The following HEXA variants were observed in gnomAD, a reference collection of about 807,000 sequenced individuals.
HEXA encodes the protein hexosaminidase subunit alpha, also known as beta-hexosaminidase subunit alpha.
Under a neutral mutation model 73.3 loss-of-function variants are expected in HEXA, and 54 were observed. The observed-to-expected ratio is 0.74, with a 90% CI of 0.59 to 0.92. The LOEUF (loss-of-function observed/expected upper bound fraction) is 0.92, where lower values mean the gene tolerates loss of function less well. Among genes scored for constraint, HEXA ranks in the 40% least tolerant of loss-of-function variants. The probability of loss-of-function intolerance (pLI) is 0.00; values close to 1 mark genes in which losing one functional copy is unlikely to be tolerated. For synonymous variants in HEXA, 230 were observed against 246.9 expected (o/e 0.93, Z 0.64); for missense variants, 649 against 653.0 (o/e 0.99, Z 0.07).
chr15:72,370,525 C>T (rs1224631759), intron 1 of HEXA: 2 of 396,998 alleles, frequency 5.0e-6, no homozygotes, highest in Non-Finnish European at 8.9e-6. Flanking sequence ...ACCCCCATCT[C>T]TACAAAATGC....
chr15:72,346,757 T>C, intron 10 of HEXA, 47 bp from the exon 11 acceptor site: 1 of 1,575,074 alleles, frequency 6.3e-7, no homozygotes, highest in Non-Finnish European at 8.7e-7. Flanking sequence ...GCTGAGGAGA[T>C]TCCTGGGCCT....
At chr15:72,371,274 T>C (rs1168254639) in intron 1 of HEXA, among the ~76,000 whole-genome samples, 1 of 152,120 alleles carries the variant, frequency 6.6e-6, no homozygotes, top group East Asian at 1.9e-4. Context: ...ACACTCCAAA[T>C]TGGTAACCTG....
chr15:72,370,582 C>T, intron 1 of HEXA: 1 of 398,006 alleles, frequency 2.5e-6, no homozygotes, highest in Non-Finnish European at 4.4e-6. Flanking sequence ...GTCTGTAGTC[C>T]TAGCTACTCA....
intron 1 of HEXA, among the ~76,000 whole-genome samples, chr15:72,368,589 C>T (rs1169990405): frequency 2.6e-5 from 4 of 152,210 alleles, no homozygotes; most frequent in African/African-American, 7.2e-5. Flanking sequence ...CAGCAAACCT[C>T]GACTCTCTCA....
Position 72,350,536 on chromosome 15 carries a change from T to C in HEXA, c.787A>G (p.Thr263Ala). 2 of 1,614,126 alleles carry C rather than the reference T, an allele frequency of 1.2e-6. No homozygotes were observed. Among genetic ancestry groups the C allele is most frequent in the South Asian group, 1.1e-5 (1 of 91,082 alleles). Residue 263 changes from threonine to alanine, a missense_variant, in exon 7 of 14, where the codon ACT (threonine) becomes GCT (alanine). Physicochemically the swap from Thr to Ala is moderately conservative, Grantham distance 58. Coordinates refer to ENST00000268097, the MANE Select transcript of HEXA (RefSeq NM_000520.6). ...TTCTTACCTGGTCCCCAGGACAAAG[T>C]GTGGCCAGGAGTGTCAAACTCTGCA... Reference protein sequence around the residue: ...VLAEFDTPGHTLSWGPGIPGL... With the variant: ...VLAEFDTPGHALSWGPGIPGL...
chr15:72,367,038 G>A (rs1036773989), intron 1 of HEXA, among the ~76,000 whole-genome samples: 2 of 151,890 alleles, frequency 1.3e-5, no homozygotes, highest in Non-Finnish European at 2.9e-5. Context: ...CCACCTCCTG[G>A]ATTCAAGCGA....
chr15:72,350,190 C>T (rs1167030730), intron 7 of HEXA: 1 of 391,080 alleles, frequency 2.6e-6, no homozygotes, highest in East Asian at 6.0e-5. Flanking sequence ...TGACTCTGAC[C>T]TCTGCAGGCT....
At chr15:72,351,019 T>G in intron 6 of HEXA, 114 bp downstream of exon 6, 1 of 753,864 alleles carries the variant, frequency 1.3e-6, no homozygotes, top group Non-Finnish European at 2.4e-6. Flanking sequence ...GTCCTTCCCC[T>G]ATATTGGTCT....
At chr15:72,346,389 AC>A in intron 11 of HEXA, 64 bp from the exon 12 acceptor site, 1 of 1,519,068 alleles carries the variant, frequency 6.6e-7, no homozygotes, top group Non-Finnish European at 9.1e-7. Context: ...CCTCTCAACC[AC>A]CTTCCCAATG....
intron 1 of HEXA, among the ~76,000 whole-genome samples, chr15:72,371,444 A>G (rs2088990298): frequency 6.6e-6 from 1 of 151,926 alleles, no homozygotes; most frequent in Admixed American, 6.6e-5. Context: ...CCATCTCTAC[A>G]AAAATTAGCT....
chr15:72,341,128 G>A lies in HEXA; in HGVS notation c.*2949C>T, dbSNP rs909576848. ...TAGAATTTAGAGTGCTAGGAATGTT[G>A]CCATAAGGTATGTGTACCTACATTA... On this transcript the variant is annotated 3_prime_UTR_variant, in exon 14 of 14. Transcript: ENST00000268097. 12 of 152,022 alleles carry A rather than the reference G, an allele frequency of 7.9e-5. No homozygotes were observed. The highest frequency in any genetic ancestry group is 2.9e-4 in the African/African-American group (12 of 41,388). 9.4% of individuals were successfully genotyped at this position (152,022 alleles called of 1,614,324 possible).
In HEXA at chr15:72,343,916, A is replaced by G; in HGVS notation, c.*161T>C. The G allele has an allele frequency of 4.7e-6, 3 of 644,744 alleles. No homozygotes were observed. Among genetic ancestry groups the G allele is most frequent in the South Asian group, 3.2e-5 (2 of 61,924 alleles). 39.9% of individuals were successfully genotyped at this position (644,744 alleles called of 1,614,324 possible). On this transcript the variant is annotated 3_prime_UTR_variant, in exon 14 of 14. Coordinates refer to ENST00000268097, the MANE Select transcript of HEXA (RefSeq NM_000520.6). ...ATAGAAAAATGCCACATTACTCTTT[A>G]TTGAATGCGAGCGCCAGCACCGGCC...
chr15:72,360,825 AAATAGGGATC>A (rs1276826652), intron 1 of HEXA, among the ~76,000 whole-genome samples: 2 of 152,212 alleles, frequency 1.3e-5, no homozygotes, highest in Non-Finnish European at 2.9e-5. Flanking sequence ...CTCAACTGTA[AAATAGGGATC>A]ATAATACCTA....
At chr15:72,356,324 T>C (rs1340827457) in intron 2 of HEXA, among the ~76,000 whole-genome samples, 1 of 152,188 alleles carries the variant, frequency 6.6e-6, no homozygotes. Context: ...AGTGTGATGT[T>C]CCACAGCCAA....
chr15:72,368,671 G>T (rs534265004), intron 1 of HEXA, among the ~76,000 whole-genome samples: 108 of 152,232 alleles, frequency 7.1e-4, no homozygotes, highest in Non-Finnish European at 1.5e-3. Flanking sequence ...TCCCTGAAGG[G>T]TTTTTCATGA....
intron 1 of HEXA, among the ~76,000 whole-genome samples, chr15:72,372,213 G>T (rs955830850): frequency 6.6e-6 from 1 of 152,102 alleles, no homozygotes; most frequent in African/African-American, 2.4e-5. Context: ...GCCAGGCATG[G>T]TGGTGGGTGC....
chr15:72,365,895 A>G (rs1330135206), intron 1 of HEXA, among the ~76,000 whole-genome samples: 1 of 152,088 alleles, frequency 6.6e-6, no homozygotes, highest in African/African-American at 2.4e-5. Context: ...ATATTTTGTC[A>G]CTTTGCCCAA....
At chr15:72,360,942 C>T (rs960399701) in intron 1 of HEXA, among the ~76,000 whole-genome samples, 2 of 152,190 alleles carry the variant, frequency 1.3e-5, no homozygotes, top group Non-Finnish European at 2.9e-5. Context: ...GTTGGTCATA[C>T]TTAGTATTTT....
chr15:72,344,286 T>G, intron 13 of HEXA, 146 bp from the exon 14 acceptor site: 1 of 684,234 alleles, frequency 1.5e-6, no homozygotes. Flanking sequence ...GGAATCTCAA[T>G]TCCAGAGATT....
Sources: gnomAD v4.1 joint callset for allele counts (sites outside exome capture counted in the v4.1 genomes callset) on GRCh38, gnomAD v4.1.1 for gene constraint, MANE v1.5 for transcripts, NCBI Gene and HGNC (gene_info 2026-07-23, HGNC 2026-07-21) for gene names.